Variants in BCAP31 observed in about 807,000 individuals in gnomAD.
BCAP31 encodes B-cell receptor-associated protein 31.
For synonymous variants in BCAP31, 75 were observed against 80.9 expected, an observed-to-expected ratio of 0.93 and a Z score of 0.39; for missense variants, 124 against 193.0, an observed-to-expected ratio of 0.64 and a Z score of 2.12.
chrX:153,708,496 G>C lies in BCAP31; in HGVS notation c.342-4402C>G, dbSNP rs782582744. On this transcript the variant is annotated intron_variant, in intron 4 of 7. Transcript: ENST00000345046. ...CCCCCAGCCCCTGCATACACATGGT[G>C]TTCACATAAGCTCACTCCTCAGCCC... Among the ~76,000 whole-genome samples the C allele has an allele frequency of 4.4e-5, 5 of 112,834 alleles. No individual in the cohort carries two copies. In the South Asian group the frequency reaches 1.8e-3, roughly 41 times the overall value.
intron 4 of BCAP31, among the ~76,000 whole-genome samples, chrX:153,713,166 C>T (rs901592206): frequency 1.8e-5 from 2 of 111,118 alleles, no homozygotes; most frequent in African/African-American, 6.6e-5. Flanking sequence ...GAGATCGAGC[C>T]ACTGCACTCC....
At chrX:153,720,242 G>A (rs181152342) in intron 3 of BCAP31, among the ~76,000 whole-genome samples, 19 of 111,553 alleles carry the variant, frequency 1.7e-4, no homozygotes, top group African/African-American at 5.9e-4. Flanking sequence ...GTGACCTGAG[G>A]AGCAGCCTCA....
At chrX:153,709,207 G>C (rs150361311) in intron 4 of BCAP31, among the ~76,000 whole-genome samples, 82 of 111,968 alleles carry the variant, frequency 7.3e-4, no homozygotes, top group African/African-American at 2.6e-3. Flanking sequence ...TCTGTGATTA[G>C]ATGACTCAAC....
chrX:153,708,549 C>G (rs1460942223), intron 4 of BCAP31, among the ~76,000 whole-genome samples: 4 of 113,004 alleles, frequency 3.5e-5, no homozygotes, highest in Non-Finnish European at 7.5e-5. Flanking sequence ...GGTGTCCCAG[C>G]GCCACCTGCT....
rs142527725 is a variant in BCAP31 at position 153,722,094 on chromosome X, G to A, written c.92+1059C>T. On this transcript the variant is annotated intron_variant, in intron 2 of 7. Transcript: ENST00000345046. ...TGTCTATATCCCCCGACCCTGTTATGATGAGATGGACCCCAGACCTCACAT... is the reference window on the plus strand; with the variant it reads ...TGTCTATATCCCCCGACCCTGTTATAATGAGATGGACCCCAGACCTCACAT... 6.2e-4 allele frequency among the ~76,000 whole-genome samples: 69 copies of A among 111,495 alleles called. 2 individuals are homozygous for A. In the East Asian group the frequency reaches 0.019, roughly 31 times the overall value.
chrX:153,715,529 A>AC lies in BCAP31; in HGVS notation c.341+12dup, dbSNP rs781924156. 9.1e-6 allele frequency: 11 copies of AC among 1,206,874 alleles called. No individual in the cohort carries two copies. The highest frequency in any genetic ancestry group is 1.1e-6 in the Non-Finnish European group (1 of 893,679). On this transcript the variant is annotated intron_variant, in intron 4 of 7. Coordinates refer to ENST00000345046, the MANE Select transcript of BCAP31 (RefSeq NM_001256447.2). ...TCCTTTCACAGCACCTGCCCCCTCA[A>AC]CCCCCCACTCACAAGGACAGCAGCA...
At chrX:153,707,915 G>A (rs1242151166) in intron 4 of BCAP31, among the ~76,000 whole-genome samples, 1 of 113,293 alleles carries the variant, frequency 8.8e-6, no homozygotes, top group Non-Finnish European at 1.9e-5. Context: ...GACAGGGCAC[G>A]AACATGGCCT....
intron 3 of BCAP31, among the ~76,000 whole-genome samples, chrX:153,717,613 G>A (rs2091638290): frequency 8.9e-6 from 1 of 112,244 alleles, no homozygotes; most frequent in Non-Finnish European, 1.9e-5. Context: ...TAGAGACGGG[G>A]TTTCGCCATG....
At chrX:153,724,072 C>CGGCCTGGCACACCGTCCCGGA (rs1359970798) in intron 1 of BCAP31, 1 of 321,311 alleles carries the variant, frequency 3.1e-6, no homozygotes, top group African/African-American at 2.7e-5. Context: ...GACTTGGCCC[C>CGGCCTGGCACACCGTCCCGGA]GGCCTGGCAC....
intron 4 of BCAP31, among the ~76,000 whole-genome samples, chrX:153,710,541 C>T (rs372228394): frequency 9.0e-6 from 1 of 110,671 alleles, no homozygotes; most frequent in African/African-American, 3.4e-5. Flanking sequence ...GGTCAAGTGA[C>T]AGGACTGAGA....
At chrX:153,702,294 C>T in intron 6 of BCAP31, 187 bp from the exon 7 acceptor site, 2 of 403,098 alleles carry the variant, frequency 5.0e-6, no homozygotes, top group South Asian at 3.8e-5. Flanking sequence ...AAAGGGCTGA[C>T]AAAAAAGCTC....
At chrX:153,706,277 T>C (rs2091554350) in intron 4 of BCAP31, among the ~76,000 whole-genome samples, 2 of 110,937 alleles carry the variant, frequency 1.8e-5, no homozygotes, top group Admixed American at 9.5e-5. Context: ...TCTCTCTTCC[T>C]GCTGGATGAC....
chrX:153,711,158 C>A (rs1196237127), intron 4 of BCAP31, among the ~76,000 whole-genome samples: 2 of 31,082 alleles, frequency 6.4e-5, no homozygotes, highest in Non-Finnish European at 1.1e-4. Flanking sequence ...CCCTTTCCAG[C>A]AGGGGGCTGC....
rs1287086243 is a variant in BCAP31 at position 153,700,558 on chromosome X, C to T, written c.*379G>A. 1.7e-4 allele frequency: 28 copies of T among 166,236 alleles called. 1 individual carries two copies. The Admixed American group carries it at 2.3e-3, about 14-fold the overall frequency. The allele number at this position is 166,236 out of a possible 1,213,427, so 13.7% of individuals were successfully genotyped here. Reference sequence around the variant, plus strand: ...ACTCCAGTCCACCTGCTCCACCCACCCTCCTGCGGGACCAAAGAAAACACC... The same window carrying T: ...ACTCCAGTCCACCTGCTCCACCCACTCTCCTGCGGGACCAAAGAAAACACC... On this transcript the variant is annotated 3_prime_UTR_variant, in exon 8 of 8. Coordinates refer to ENST00000345046, the MANE Select transcript of BCAP31 (RefSeq NM_001256447.2).
At chrX:153,710,509 G>A (rs1162104218) in intron 4 of BCAP31, among the ~76,000 whole-genome samples, 4 of 111,923 alleles carry the variant, frequency 3.6e-5, no homozygotes, top group Admixed American at 9.4e-5. Flanking sequence ...AGAAGAAAGG[G>A]CAGAGCAGCC....
rs2148380016 is a variant in BCAP31, at chrX:153,715,629, T to C, written c.254A>G (p.Asn85Ser). The change falls in exon 4 of 8, where the codon AAT (asparagine) becomes AGT (serine). Residue 85 changes from asparagine (N) to serine (S), a missense_variant. Transcript: ENST00000345046. Reference protein sequence around the residue: ...DVTEKVNLQNNPGAMEHFHMK... With the variant: ...DVTEKVNLQNSPGAMEHFHMK... ...GTGGAAGTGCTCCATGGCCCCGGGA[T>C]TGTTCTGGAGGTTCACCTTTTCCGT... is the stretch of plus-strand genomic sequence containing the variant. The C allele has an allele frequency of 2.5e-6, 3 of 1,211,251 alleles. No homozygotes were observed. Among genetic ancestry groups the C allele is most frequent in the Non-Finnish European group, 2.2e-6 (2 of 895,123 alleles).
intron 4 of BCAP31, among the ~76,000 whole-genome samples, chrX:153,713,867 T>C (rs2091608187): frequency 9.4e-6 from 1 of 106,016 alleles, no homozygotes; most frequent in South Asian, 4.2e-4. Flanking sequence ...GGTTTTCACC[T>C]TCCCGATACT....
intron 7 of BCAP31, among the ~76,000 whole-genome samples, chrX:153,701,740 C>T (rs1380809629): frequency 2.7e-5 from 3 of 113,094 alleles, no homozygotes; most frequent in African/African-American, 9.6e-5. Context: ...ACCATGGCTG[C>T]GCCTGAGCAC....
chrX:153,707,621 C>T (rs187320550), intron 4 of BCAP31, among the ~76,000 whole-genome samples: 1 of 111,869 alleles, frequency 8.9e-6, no homozygotes, highest in African/African-American at 3.3e-5. Context: ...GGGAAGGCGC[C>T]GTCTCAGACC....
Sources: gnomAD v4.1 joint callset for allele counts (sites outside exome capture counted in the v4.1 genomes callset) on GRCh38, gnomAD v4.1.1 for gene constraint, MANE v1.5 for transcripts, NCBI Gene and HGNC (gene_info 2026-07-23, HGNC 2026-07-21) for gene names.